Variants in DNAI2 observed in about 807,000 individuals in gnomAD.
The protein encoded by DNAI2 is dynein, axonemal, intermediate polypeptide 2.
In DNAI2, 63 loss-of-function variants were observed where a neutral mutation model predicts 74.7. That is an observed-to-expected ratio of 0.84 (90% CI 0.69 to 1.04). DNAI2 has a LOEUF of 1.04. Among genes scored for constraint, DNAI2 ranks in the 50% least tolerant of loss-of-function variants. The pLI is 0.00. For missense variants in DNAI2, 688 were observed against 803.2 expected (o/e 0.86, Z 1.73); for synonymous variants, 289 against 314.9 (o/e 0.92, Z 0.87).
intron 11 of DNAI2, among the ~76,000 whole-genome samples, chr17:74,310,508 T>C (rs2053462711): frequency 6.6e-6 from 1 of 151,718 alleles, no homozygotes; most frequent in Non-Finnish European, 1.5e-5. Context: ...TATTGTATTA[T>C]ATTATATTGT....
chr17:74,284,022 C>G (rs2051541053), intron 2 of DNAI2, among the ~76,000 whole-genome samples: 1 of 151,902 alleles, frequency 6.6e-6, no homozygotes, highest in Non-Finnish European at 1.5e-5. Context: ...CCTGTAATCC[C>G]AGCTACTGGG....
chr17:74,289,217 A>G (rs2051929797), intron 4 of DNAI2, among the ~76,000 whole-genome samples: 1 of 152,194 alleles, frequency 6.6e-6, no homozygotes, highest in Non-Finnish European at 1.5e-5. Context: ...CCACCAGAGC[A>G]GGATGATGCA....
intron 9 of DNAI2, 55 bp downstream of exon 9, chr17:74,305,497 G>A: frequency 6.4e-7 from 1 of 1,563,126 alleles, no homozygotes; most frequent in African/African-American, 1.4e-5. Context: ...GGGGATGGAG[G>A]GAGCCCAGCT....
intron 2 of DNAI2, among the ~76,000 whole-genome samples, chr17:74,283,168 G>T (rs1301235405): frequency 1.3e-5 from 2 of 152,362 alleles, no homozygotes; most frequent in Non-Finnish European, 2.9e-5. Context: ...TGAGGATGGG[G>T]TTTCCATCCT....
rs1399040095 is a variant in DNAI2, at chr17:74,314,632, AC to A, written c.*101del. ...ATGGCCATGGCAGGGCCTCGGGAAG[AC>A]CTTCAGGAGTGGGGAAGGGTTTCTC... On this transcript the variant is annotated 3_prime_UTR_variant, in exon 14 of 14. Transcript: ENST00000311014. 5 of 206,846 alleles carry A rather than the reference AC, an allele frequency of 2.4e-5. No homozygotes were observed. Among genetic ancestry groups the A allele is most frequent in the Admixed American group, 1.1e-4 (2 of 17,912 alleles). 12.8% of individuals were successfully genotyped at this position (206,846 alleles called of 1,614,324 possible). A position where few individuals can be genotyped will look rare whatever the true frequency, so the allele number is the denominator to read the frequency against.
chr17:74,289,959 T>C (rs937068763), intron 5 of DNAI2, among the ~76,000 whole-genome samples: 1 of 152,006 alleles, frequency 6.6e-6, no homozygotes, highest in South Asian at 2.1e-4. Flanking sequence ...CCCCCACCAA[T>C]TCCAGATTCT....
intron 9 of DNAI2, among the ~76,000 whole-genome samples, chr17:74,308,350 A>G (rs2053308113): frequency 6.6e-6 from 1 of 152,296 alleles, no homozygotes; most frequent in Non-Finnish European, 1.5e-5. Flanking sequence ...CCAAGTAGGA[A>G]GTGACACTCT....
chr17:74,286,967 TC>T lies in DNAI2; in HGVS notation c.346-4del. On this transcript the variant is annotated splice_polypyrimidine_tract_variant and intron_variant, in intron 3 of 13. Transcript: ENST00000311014. ...TTTACTGCGGAGAACTTCCAATGTG[TC>T]CCCCCTAGATCATGGAGCACTGCAT... The T allele has an allele frequency of 1.2e-6, 2 of 1,613,644 alleles. No individual in the cohort carries two copies. The highest frequency in any genetic ancestry group is 1.7e-6 in the Non-Finnish European group (2 of 1,179,734).
chr17:74,284,138 CAAAAAAAA>C (rs545732470), intron 2 of DNAI2, among the ~76,000 whole-genome samples: 4 of 72,382 alleles, frequency 5.5e-5, no homozygotes, highest in African/African-American at 1.8e-4. Flanking sequence ...AACTCCTTTT[CAAAAAAAA>C]AAAAAAAAAG....
chr17:74,286,778 A>G (rs1298188318), intron 3 of DNAI2, among the ~76,000 whole-genome samples, 199 bp from the exon 4 acceptor site: 1 of 152,142 alleles, frequency 6.6e-6, no homozygotes, highest in Non-Finnish European at 1.5e-5. Flanking sequence ...CGCTGCATGT[A>G]TTTCCATGCT....
intron 10 of DNAI2, 129 bp downstream of exon 10, chr17:74,309,517 GC>G (rs2053386570): frequency 1.5e-6 from 2 of 1,319,948 alleles, no homozygotes; most frequent in East Asian, 2.3e-5. Context: ...CTGTGGGGGA[GC>G]CGTGTGCAGG....
In DNAI2 at chr17:74,314,646, G is replaced by A; in HGVS notation, c.*113G>A. On this transcript the variant is annotated 3_prime_UTR_variant, in exon 14 of 14. Coordinates refer to ENST00000311014, the MANE Select transcript of DNAI2 (RefSeq NM_023036.6). ...GCCTCGGGAAGACCTTCAGGAGTGG[G>A]GAAGGGTTTCTCCTCCATGATCGAC... 4.0e-6 allele frequency: 1 copy of A among 251,490 alleles called. No individual in the cohort carries two copies. Among genetic ancestry groups the A allele is most frequent in the South Asian group, 5.0e-5 (1 of 20,106 alleles). 15.6% of individuals were successfully genotyped at this position (251,490 alleles called of 1,614,324 possible). A position where few individuals can be genotyped will look rare whatever the true frequency, so the allele number is the denominator to read the frequency against.
Position 74,300,965 on chromosome 17 carries a change from C to A in DNAI2, c.865-81C>A. On this transcript the variant is annotated intron_variant, in intron 7 of 13. Coordinates refer to ENST00000311014, the MANE Select transcript of DNAI2 (RefSeq NM_023036.6). The surrounding 1 kb of genome is among the most constrained non-coding windows in gnomAD (Gnocchi z 4.5). ...TGTGGCCCAGTGGCTGACCCCAGGA[C>A]GGTGGGGTGAGGGCGGAGAAGGCAA... 6.3e-7 allele frequency: 1 copy of A among 1,589,306 alleles called. No individual in the cohort carries two copies. The highest frequency in any genetic ancestry group is 8.6e-7 in the Non-Finnish European group (1 of 1,165,660).
At chr17:74,308,625 G>C (rs942462732) in intron 9 of DNAI2, among the ~76,000 whole-genome samples, 4 of 152,044 alleles carry the variant, frequency 2.6e-5, no homozygotes, top group Admixed American at 6.5e-5. Context: ...GGGCTCAAGC[G>C]ATCCTCCCAT....
Position 74,305,385 on chromosome 17 carries a change from A to G in DNAI2, c.1154A>G (p.Asp385Gly). ...CCGAAGAACTTCCTGACGGTTGGCG[A>G]CTGGACAGCCCGCATTTGGTCTGAA... Reference protein sequence around the residue: ...FYPKNFLTVGDWTARIWSEDS... With the variant: ...FYPKNFLTVGGWTARIWSEDS... The change falls in exon 9 of 14, where the codon GAC becomes GGC. Residue 385 changes from aspartate (D) to glycine (G), a missense_variant. Physicochemically the swap from Asp to Gly is moderately conservative, Grantham distance 94. Transcript: ENST00000311014. 6.2e-7 allele frequency: 1 copy of G among 1,614,150 alleles called. No homozygotes were observed. Among genetic ancestry groups the G allele is most frequent in the Non-Finnish European group, 8.5e-7 (1 of 1,180,020 alleles).
At chr17:74,287,184 G>T (rs2051801744) in intron 4 of DNAI2, 86 bp downstream of exon 4, 1 of 1,562,634 alleles carries the variant, frequency 6.4e-7, no homozygotes, top group Non-Finnish European at 8.7e-7. Flanking sequence ...TGCCATCGCT[G>T]CATGCCCTGG....
intron 4 of DNAI2, among the ~76,000 whole-genome samples, chr17:74,289,298 G>A (rs960499187): frequency 6.6e-6 from 1 of 152,178 alleles, no homozygotes; most frequent in Non-Finnish European, 1.5e-5. Flanking sequence ...AGGCCCAGGT[G>A]GGCATATCAT....
In DNAI2 at chr17:74,281,970, C is replaced by A; in HGVS notation, c.153C>A (p.Ile51=). Reference sequence around the variant, plus strand: ...AGCGGAACCCAGTGGACACGGGCATCCAGTGCTCGATCAGCATGTCGGAAC... The same window carrying A: ...AGCGGAACCCAGTGGACACGGGCATACAGTGCTCGATCAGCATGTCGGAAC... The part of the protein sequence containing the change: ...FVERNPVDTG[I]QCSISMSEHE... The change falls in exon 2 of 14, where the codon ATC becomes ATA. Residue 51 remains isoleucine (I), a synonymous_variant. Transcript: ENST00000311014. 1 of 1,614,148 alleles carries A rather than the reference C, an allele frequency of 6.2e-7. No homozygotes were observed. Among genetic ancestry groups the A allele is most frequent in the Non-Finnish European group, 8.5e-7 (1 of 1,180,026 alleles).
chr17:74,277,394 A>G (rs940910620), intron 1 of DNAI2, among the ~76,000 whole-genome samples: 2 of 151,984 alleles, frequency 1.3e-5, no homozygotes, highest in African/African-American at 2.4e-5. Flanking sequence ...CAAAAAAAAA[A>G]AAAAAAAGAA....
Sources: gnomAD v4.1 joint callset for allele counts (sites outside exome capture counted in the v4.1 genomes callset) on GRCh38, gnomAD v4.1.1 for gene constraint, Gnocchi (gnomAD v3.1) non-coding constraint, MANE v1.5 for transcripts, NCBI Gene and HGNC (gene_info 2026-07-23, HGNC 2026-07-21) for gene names.